FNIP2: variants seen among roughly 807,000 people sequenced by gnomAD.
The protein encoded by FNIP2 is folliculin-interacting protein 2.
Under a neutral mutation model 108.7 loss-of-function variants are expected in FNIP2, and 32 were observed. That is an observed-to-expected ratio of 0.29 (90% CI 0.22 to 0.40). The LOEUF (loss-of-function observed/expected upper bound fraction) is 0.40. Ranked by LOEUF, FNIP2 falls within the 10% of genes least tolerant of loss-of-function variation. The pLI, the probability that FNIP2 is intolerant of heterozygous loss-of-function variation, is 1.00. For missense variants in FNIP2, 1,202 were observed against 1,381.6 expected (o/e 0.87, Z 2.06); for synonymous variants, 480 against 496.7 (o/e 0.97, Z 0.45).
intron 1 of FNIP2, among the ~76,000 whole-genome samples, chr4:158,779,059 G>T (rs182664601): frequency 6.6e-6 from 1 of 152,162 alleles, no homozygotes; most frequent in East Asian, 1.9e-4. Context: ...GGGAAACTTG[G>T]ACCCTAGCTC....
intron 14 of FNIP2, among the ~76,000 whole-genome samples, chr4:158,882,802 G>T (rs1781758136): frequency 6.6e-6 from 1 of 152,142 alleles, no homozygotes; most frequent in Admixed American, 6.5e-5. Context: ...AAGGCAGCAT[G>T]CTCCTTAAGA....
At chr4:158,824,282 A>G (rs1361908381) in intron 1 of FNIP2, among the ~76,000 whole-genome samples, 1 of 152,206 alleles carries the variant, frequency 6.6e-6, no homozygotes, top group African/African-American at 2.4e-5. Context: ...CATTGTACTG[A>G]TGAAGAACTA....
intron 14 of FNIP2, among the ~76,000 whole-genome samples, chr4:158,880,372 A>G (rs1781520048): frequency 6.6e-6 from 1 of 152,144 alleles, no homozygotes; most frequent in Non-Finnish European, 1.5e-5. Flanking sequence ...ATGCTCACTC[A>G]TAGGTGGGAA....
intron 14 of FNIP2, among the ~76,000 whole-genome samples, chr4:158,882,146 C>G (rs13104803): frequency 4.7e-5 from 7 of 147,764 alleles, no homozygotes; most frequent in Admixed American, 3.4e-4. Context: ...CCCCTCTGCC[C>G]GGCAGCCGCC....
chr4:158,897,151 G>T (rs1183329199), intron 16 of FNIP2, among the ~76,000 whole-genome samples: 22 of 152,122 alleles, frequency 1.4e-4, no homozygotes. Context: ...CCTCATCCGT[G>T]TCCCTGCAGA....
chr4:158,852,615 T>A (rs901657668), intron 8 of FNIP2, among the ~76,000 whole-genome samples: 2 of 152,176 alleles, frequency 1.3e-5, no homozygotes, highest in African/African-American at 4.8e-5. Context: ...TTAAATGAGA[T>A]AAATCAAGTC....
At position 158,859,638 on chromosome 4, in the gene FNIP2, C is replaced by T. The variant is rs774074201; in HGVS notation, c.1120C>T (p.Arg374Cys). The part of the protein sequence containing the change: ...SSLRVQFYVS[R>C]LMEALGEFRG... ...TCTCCGAGTCCAGTTTTATGTCAGC[C>T]GTTTGATGGAAGCTCTGGGAGAATT... Residue 374 changes from arginine (R) to cysteine (C), a missense_variant, in exon 10 of 17, where the codon CGT (arginine) becomes TGT (cysteine). Arg to Cys is a radical substitution (Grantham distance 180). Around this residue, in one of 5 missense-constraint regions of FNIP2, gnomAD observed 878 missense variants for 990.3 expected, o/e 0.89. Transcript: ENST00000264433. 6.8e-6 allele frequency: 11 copies of T among 1,613,140 alleles called. No individual in the cohort carries two copies. The highest frequency in any genetic ancestry group is 4.4e-5 in the South Asian group (4 of 90,896).
At position 158,868,239 on chromosome 4, in the gene FNIP2, C is replaced by A; in HGVS notation, c.1603C>A (p.Leu535Met). The stretch of plus-strand genomic sequence containing the variant: ...TTGCTCTGAGCTACAAGAGAACCAG[C>A]TGACCTGGAGTGGCAATCATGGTGA... Reference protein sequence around the residue: ...LRCSELQENQLTWSGNHGEGD... With the variant: ...LRCSELQENQMTWSGNHGEGD... Residue 535 changes from leucine (L) to methionine (M), a missense_variant, in exon 13 of 17, where the codon CTG becomes ATG. By Grantham distance (15) the Leu-to-Met change is conservative. Coordinates refer to ENST00000264433, the MANE Select transcript of FNIP2 (RefSeq NM_020840.3). The surrounding 1 kb of genome is among the most constrained non-coding windows in gnomAD (Gnocchi z 4.6). 2 of 1,614,068 alleles carry A rather than the reference C, an allele frequency of 1.2e-6. No individual in the cohort carries two copies. The highest frequency in any genetic ancestry group is 1.7e-6 in the Non-Finnish European group (2 of 1,179,896).
intron 16 of FNIP2, among the ~76,000 whole-genome samples, chr4:158,898,123 G>T (rs917221183): frequency 3.0e-4 from 45 of 152,180 alleles, no homozygotes; most frequent in African/African-American, 1.0e-3. Flanking sequence ...GTTTTTGTCA[G>T]GTTTGTCAAA....
At chr4:158,878,542 A>G (rs1781407342) in intron 14 of FNIP2, among the ~76,000 whole-genome samples, 2 of 152,246 alleles carry the variant, frequency 1.3e-5, no homozygotes, top group African/African-American at 4.8e-5. Flanking sequence ...AACCAGAAGC[A>G]TAGAAACCTT....
chr4:158,779,148 G>C (rs922032717), intron 1 of FNIP2, among the ~76,000 whole-genome samples: 11 of 152,152 alleles, frequency 7.2e-5, no homozygotes, highest in African/African-American at 2.4e-4. Flanking sequence ...CAATTTGGCT[G>C]TGCTTTCCAG....
chr4:158,867,831 G>A (rs975993063), intron 12 of FNIP2, among the ~76,000 whole-genome samples: 1 of 152,166 alleles, frequency 6.6e-6, no homozygotes, highest in African/African-American at 2.4e-5. Context: ...TGAGCTGCAG[G>A]GAAGACCCAG....
At chr4:158,847,128 A>C (rs1227111487) in intron 7 of FNIP2, among the ~76,000 whole-genome samples, 1 of 152,184 alleles carries the variant, frequency 6.6e-6, no homozygotes, top group African/African-American at 2.4e-5. Flanking sequence ...CCACGGACTA[A>C]AGTGCTCTGG....
At chr4:158,770,364 T>G (rs1285588007) in intron 1 of FNIP2, among the ~76,000 whole-genome samples, 1 of 152,222 alleles carries the variant, frequency 6.6e-6, no homozygotes, top group Non-Finnish European at 1.5e-5. Context: ...TGCTAGGTGC[T>G]TTTTGGCCAA....
At chr4:158,861,281 C>T in intron 10 of FNIP2, 61 bp from the exon 11 acceptor site, 1 of 1,529,274 alleles carries the variant, frequency 6.5e-7, no homozygotes, top group East Asian at 2.3e-5. Context: ...TCTTTTACAC[C>T]AAGATTATCC....
chr4:158,871,889 T>A, intron 14 of FNIP2: 3 of 985,450 alleles, frequency 3.0e-6, no homozygotes, highest in Non-Finnish European at 3.6e-6. Flanking sequence ...CGATGTCTGA[T>A]GCTTTGGCAA....
chr4:158,818,456 C>T (rs1009598777), intron 1 of FNIP2, among the ~76,000 whole-genome samples: 3 of 152,178 alleles, frequency 2.0e-5, no homozygotes, highest in Non-Finnish European at 4.4e-5. Context: ...CCTATAATTC[C>T]AAAATCCTAA....
chr4:158,805,251 G>T (rs758158776), intron 1 of FNIP2, among the ~76,000 whole-genome samples: 7 of 152,192 alleles, frequency 4.6e-5, no homozygotes, highest in Non-Finnish European at 1.0e-4. Context: ...ACTAAGAAAA[G>T]GAAAAGAATT....
intron 1 of FNIP2, among the ~76,000 whole-genome samples, chr4:158,790,857 AC>A (rs1776390301): frequency 6.6e-6 from 1 of 151,486 alleles, no homozygotes; most frequent in African/African-American, 2.4e-5. Flanking sequence ...TTTTTTTTTC[AC>A]TTAGCACTTT....
Sources: allele counts gnomAD v4.1 joint callset (sites outside exome capture counted in the v4.1 genomes callset), GRCh38; gene constraint gnomAD v4.1.1; regional missense constraint gnomAD v4.1.1; non-coding constraint Gnocchi (gnomAD v3.1); transcripts MANE v1.5; gene names NCBI Gene and HGNC (gene_info 2026-07-23, HGNC 2026-07-21).